The following TATDN3 variants were observed in gnomAD, a reference collection of about 807,000 sequenced individuals.
TATDN3 encodes TatD DNase domain containing 3.
A neutral mutation model predicts 40.1 loss-of-function variants in TATDN3; 29 were observed. The observed-to-expected ratio is 0.72, with a 90% confidence interval of 0.54 to 0.99. The LOEUF (loss-of-function observed/expected upper bound fraction) is 0.99. TATDN3 is among the 50% of genes least tolerant of loss of function. The probability of loss-of-function intolerance (pLI) is 0.00; values close to 1 mark genes in which losing one functional copy is unlikely to be tolerated. For synonymous variants in TATDN3, 105 were observed against 117.0 expected (o/e 0.90, Z 0.66); for missense variants, 309 against 321.9 (o/e 0.96, Z 0.31).
intron 4 of TATDN3, among the ~76,000 whole-genome samples, chr1:212,798,204 TA>T (rs1468290700): frequency 2.0e-5 from 3 of 151,890 alleles, no homozygotes; most frequent in Admixed American, 6.6e-5. Context: ...CGTGCACCTG[TA>T]GTCCCAGCTA....
chr1:212,815,379 G>T lies in TATDN3; in HGVS notation c.*223G>T. 2.1e-6 allele frequency: 1 copy of T among 470,088 alleles called. No individual in the cohort carries two copies. The highest frequency in any genetic ancestry group is 3.6e-6 in the Non-Finnish European group (1 of 274,942). 29.1% of individuals were successfully genotyped at this position (470,088 alleles called of 1,614,324 possible). A position where few individuals can be genotyped will look rare whatever the true frequency, so the allele number is the denominator to read the frequency against. On this transcript the variant is annotated 3_prime_UTR_variant, in exon 10 of 10. Transcript: ENST00000366974. ...CTGCTTTTCAATTAGCCGAGTTCTG[G>T]CAGGATATTGGGAAAATACTGCTAC... is the stretch of plus-strand genomic sequence containing the variant.
intron 8 of TATDN3, among the ~76,000 whole-genome samples, chr1:212,811,282 A>G (rs1337015103): frequency 6.6e-6 from 1 of 151,816 alleles, no homozygotes; most frequent in Non-Finnish European, 1.5e-5. Flanking sequence ...ACAGGCAGCC[A>G]CCACTACGCC....
chr1:212,797,868 G>A (rs924822821), intron 4 of TATDN3, among the ~76,000 whole-genome samples: 21 of 152,136 alleles, frequency 1.4e-4, no homozygotes, highest in Non-Finnish European at 2.1e-4. Context: ...ACTGACTCAC[G>A]ATAGTTGGTA....
Position 212,797,104 on chromosome 1 carries a change from A to T in TATDN3, c.174-8A>T, listed in dbSNP as rs769823947. 53 of 1,612,824 alleles carry T rather than the reference A, an allele frequency of 3.3e-5. No homozygotes were observed. Among genetic ancestry groups the T allele is most frequent in the Non-Finnish European group, 4.3e-5 (51 of 1,178,956 alleles). On this transcript the variant is annotated splice_region_variant and splice_polypyrimidine_tract_variant and intron_variant, in intron 3 of 9. Transcript: ENST00000366974. The stretch of plus-strand genomic sequence containing the variant: ...TTCCTGCTTTCTCAGTTGGTTCTAC[A>T]TTTTTAGGTATAATGGGTTTGTCCT...
Position 212,798,508 on chromosome 1 carries a change from G to A in TATDN3, c.258+1312G>A, listed in dbSNP as rs1661948663. Among the ~76,000 whole-genome samples the A allele has an allele frequency of 2.9e-5, 4 of 135,938 alleles. No homozygotes were observed. In the South Asian group the frequency reaches 9.4e-4, roughly 32 times the overall value. The allele number at this position is 135,938 out of a possible 152,430, so 89.2% of individuals were successfully genotyped here. A position where few individuals can be genotyped will look rare whatever the true frequency, so the allele number is the denominator to read the frequency against. On this transcript the variant is annotated intron_variant, in intron 4 of 9. Coordinates refer to ENST00000366974, the MANE Select transcript of TATDN3 (RefSeq NM_001042552.3). ...GCTCAGGAGTTCAAGACCAGCCTGG[G>A]CAACATGGACGCTATCTCTCAAAAA...
At chr1:212,796,390 C>T in intron 2 of TATDN3, 127 bp from the exon 3 acceptor site, 1 of 605,280 alleles carries the variant, frequency 1.7e-6, no homozygotes, top group East Asian at 3.3e-5. Context: ...CAATGATAGC[C>T]CTTCTGATTG....
intron 9 of TATDN3, 93 bp downstream of exon 9, chr1:212,812,421 C>A: frequency 1.4e-6 from 1 of 718,984 alleles, no homozygotes; most frequent in Non-Finnish European, 2.3e-6. Context: ...AGTGTAAATA[C>A]AGTGGAATCC....
chr1:212,801,383 G>T lies in TATDN3; in HGVS notation c.259-1318G>T, dbSNP rs148504912. Among the ~76,000 whole-genome samples, 6 of 152,144 alleles carry T rather than the reference G, an allele frequency of 3.9e-5. No individual in the cohort carries two copies. The East Asian group carries it at 1.2e-3, about 29-fold the overall frequency. On this transcript the variant is annotated intron_variant, in intron 4 of 9. Coordinates refer to ENST00000366974, the MANE Select transcript of TATDN3 (RefSeq NM_001042552.3). ...AAATAAATTTGTACATATTAAATAA[G>T]TAATATGAATTATATTCTACTATTA... is the stretch of plus-strand genomic sequence containing the variant.
chr1:212,797,105 T>C lies in TATDN3; in HGVS notation c.174-7T>C. Reference sequence around the variant, plus strand: ...TCCTGCTTTCTCAGTTGGTTCTACATTTTTAGGTATAATGGGTTTGTCCTG... The same window carrying C: ...TCCTGCTTTCTCAGTTGGTTCTACACTTTTAGGTATAATGGGTTTGTCCTG... On this transcript the variant is annotated splice_region_variant and splice_polypyrimidine_tract_variant and intron_variant, in intron 3 of 9. Transcript: ENST00000366974. The C allele has an allele frequency of 6.2e-7, 1 of 1,612,930 alleles. No individual in the cohort carries two copies.
intron 3 of TATDN3, 180 bp downstream of exon 3, chr1:212,796,770 C>A: frequency 2.0e-6 from 1 of 499,938 alleles, no homozygotes; most frequent in Non-Finnish European, 3.5e-6. Flanking sequence ...TGGAGTCTTG[C>A]TCTGTCACCC....
chr1:212,794,773 G>C, intron 1 of TATDN3: 1 of 504,368 alleles, frequency 2.0e-6, no homozygotes, highest in South Asian at 1.5e-5. Flanking sequence ...CAGAAGTGAA[G>C]GGTGGAAAGC....
chr1:212,802,809 A>G (rs763727852), intron 5 of TATDN3, 46 bp downstream of exon 5: 32 of 1,258,360 alleles, frequency 2.5e-5, no homozygotes, highest in Non-Finnish European at 3.3e-5. Flanking sequence ...TCAGACTTCT[A>G]TATGATATAT....
intron 4 of TATDN3, among the ~76,000 whole-genome samples, chr1:212,801,552 C>T (rs1032303786): frequency 3.9e-5 from 6 of 152,072 alleles, no homozygotes; most frequent in African/African-American, 1.4e-4. Flanking sequence ...TCTGATCTTC[C>T]TCCAACTGTG....
intron 2 of TATDN3, among the ~76,000 whole-genome samples, chr1:212,795,540 A>G (rs114004710): frequency 0.023 from 3,467 of 151,270 alleles, 63 homozygotes; most frequent in South Asian, 0.042. Context: ...CAAAGTGCTG[A>G]GATTGCAGGC....
intron 7 of TATDN3, among the ~76,000 whole-genome samples, chr1:212,806,574 A>T (rs930915036): frequency 6.7e-6 from 1 of 150,294 alleles, no homozygotes; most frequent in Non-Finnish European, 1.5e-5. Context: ...ACTGGGTTTC[A>T]CCATGTTGCC....
At chr1:212,805,899 G>A (rs10779583) in intron 7 of TATDN3, among the ~76,000 whole-genome samples, 97,335 of 152,060 alleles carry the variant, frequency 0.64, 31,596 homozygotes, top group Non-Finnish European at 0.69. Context: ...ACATATGTGT[G>A]TGTACGTATA....
rs1461629674 is a variant in TATDN3, at chr1:212,806,825, T to C, written c.488-911T>C. Among the ~76,000 whole-genome samples the C allele has an allele frequency of 8.8e-3, 642 of 72,650 alleles. 59 individuals are homozygous for C. The highest frequency in any genetic ancestry group is 0.025 in the Middle Eastern group (4 of 158). The allele number at this position is 72,650 out of a possible 152,430, so 47.7% of individuals were successfully genotyped here. ...ATATATACACATATATACACATATA[T>C]ACATATATATACATATATACACATA... On this transcript the variant is annotated intron_variant, in intron 7 of 9. Coordinates refer to ENST00000366974, the MANE Select transcript of TATDN3 (RefSeq NM_001042552.3).
chr1:212,795,923 GTCTGAAT>G (rs1661726989), intron 2 of TATDN3, among the ~76,000 whole-genome samples: 1 of 152,202 alleles, frequency 6.6e-6, no homozygotes, highest in Non-Finnish European at 1.5e-5. Flanking sequence ...AGACAAGTTA[GTCTGAAT>G]TCAAAACATG....
At chr1:212,806,974 C>T (rs1455843431) in intron 7 of TATDN3, among the ~76,000 whole-genome samples, 2 of 148,220 alleles carry the variant, frequency 1.3e-5, no homozygotes, top group Non-Finnish European at 3.0e-5. Context: ...GATGGAGTCT[C>T]ACTCTGTCGC....
Sources: allele counts gnomAD v4.1 joint callset (sites outside exome capture counted in the v4.1 genomes callset), GRCh38; gene constraint gnomAD v4.1.1; transcripts MANE v1.5; gene names NCBI Gene and HGNC (gene_info 2026-07-23, HGNC 2026-07-21).